The following GRID1 variants were observed in gnomAD, a reference collection of about 807,000 sequenced individuals.
GRID1 encodes the protein glutamate ionotropic receptor delta type subunit 1, also known as glutamate receptor ionotropic, delta-1.
Under a neutral mutation model 98.0 loss-of-function variants are expected in GRID1, and 28 were observed. That is an observed-to-expected ratio of 0.29 (90% CI 0.21 to 0.39). GRID1 has a LOEUF of 0.39. Among genes scored for constraint, GRID1 ranks in the 10% least tolerant of loss-of-function variants. The pLI is 1.00. For missense variants in GRID1, 1,111 were observed against 1,340.5 expected (o/e 0.83, Z 2.67); for synonymous variants, 553 against 538.5 (o/e 1.03, Z -0.37).
intron 5 of GRID1, among the ~76,000 whole-genome samples, chr10:85,898,930 T>C (rs1841337318): frequency 6.6e-6 from 1 of 152,232 alleles, no homozygotes; most frequent in Non-Finnish European, 1.5e-5. Flanking sequence ...TGCACCTAAT[T>C]GTATGTACTC....
rs940217113 is a variant in GRID1, at chr10:85,634,136, T to A, written c.2193+13066A>T. ...CGGTGAGCCAAGATTGCACATTGCATGGTAGCCTGGGCAACAAGAGCGAAA... is the reference window on the plus strand; with the variant it reads ...CGGTGAGCCAAGATTGCACATTGCAAGGTAGCCTGGGCAACAAGAGCGAAA... On this transcript the variant is annotated intron_variant, in intron 13 of 15. Transcript: ENST00000327946. Among the ~76,000 whole-genome samples the A allele has an allele frequency of 8.1e-5, 12 of 147,778 alleles. No homozygotes were observed. The Admixed American group carries it at 8.2e-4, about 10-fold the overall frequency.
rs548580601 is a variant in GRID1, at chr10:86,163,654, T to C, written c.521-24630A>G. Among the ~76,000 whole-genome samples, 9 of 152,278 alleles carry C rather than the reference T, an allele frequency of 5.9e-5. No homozygotes were observed. In the East Asian group the frequency reaches 1.4e-3, roughly 23 times the overall value. On this transcript the variant is annotated intron_variant, in intron 3 of 15. Transcript: ENST00000327946. ...GAGAAGCGGTCAGAGGCTGAGACTTTGAGCCTTGCCCCTGCAGTTGGCCTC... is the reference window on the plus strand; with the variant it reads ...GAGAAGCGGTCAGAGGCTGAGACTTCGAGCCTTGCCCCTGCAGTTGGCCTC...
At chr10:86,010,223 C>T (rs1842908726) in intron 4 of GRID1, among the ~76,000 whole-genome samples, 1 of 152,200 alleles carries the variant, frequency 6.6e-6, no homozygotes, top group South Asian at 2.1e-4. Flanking sequence ...GCAAACATTA[C>T]AATGGCTATC....
intron 12 of GRID1, among the ~76,000 whole-genome samples, chr10:85,713,805 T>C (rs1171221691): frequency 6.6e-6 from 1 of 151,862 alleles, no homozygotes; most frequent in Non-Finnish European, 1.5e-5. Flanking sequence ...TTTAACATCT[T>C]TCATGATAAA....
At chr10:86,276,907 A>G (rs896247247) in intron 2 of GRID1, among the ~76,000 whole-genome samples, 2 of 152,348 alleles carry the variant, frequency 1.3e-5, no homozygotes, top group African/African-American at 2.4e-5. Context: ...AAATCCAGCA[A>G]TACTGTCCTT....
chr10:85,996,053 A>G (rs754571285), intron 4 of GRID1, among the ~76,000 whole-genome samples: 6 of 152,248 alleles, frequency 3.9e-5, no homozygotes, highest in Non-Finnish European at 8.8e-5. Context: ...GACATTGGTA[A>G]CAGCCCACAG....
At chr10:85,984,608 A>G (rs1322075417) in intron 4 of GRID1, among the ~76,000 whole-genome samples, 1 of 152,206 alleles carries the variant, frequency 6.6e-6, no homozygotes, top group Non-Finnish European at 1.5e-5. Flanking sequence ...GGTCCTGGCC[A>G]AATCCCAGCA....
chr10:85,833,929 GACAA>G (rs1419708806), intron 8 of GRID1, among the ~76,000 whole-genome samples: 3 of 152,184 alleles, frequency 2.0e-5, no homozygotes, highest in Non-Finnish European at 4.4e-5. Flanking sequence ...TACCCAATGT[GACAA>G]ACAGAGAGAA....
At chr10:86,035,285 T>G (rs1843244949) in intron 4 of GRID1, among the ~76,000 whole-genome samples, 1 of 152,230 alleles carries the variant, frequency 6.6e-6, no homozygotes, top group African/African-American at 2.4e-5. Context: ...TTCTTATTCG[T>G]AGAGCTTTCT....
chr10:86,090,603 G>C (rs1437428443), intron 4 of GRID1, among the ~76,000 whole-genome samples: 1 of 152,114 alleles, frequency 6.6e-6, no homozygotes, highest in African/African-American at 2.4e-5. Flanking sequence ...GGCTGAAAAA[G>C]TACTTGAAGA....
chr10:85,882,404 A>G lies in GRID1; in HGVS notation c.781-13224T>C, dbSNP rs544970255. On this transcript the variant is annotated intron_variant, in intron 5 of 15. Coordinates refer to ENST00000327946, the MANE Select transcript of GRID1 (RefSeq NM_017551.3). ...TCCAACAATGATAGACTGGATTAAGAAAATGTGGCACATATACACCATGGA... is the reference window on the plus strand; with the variant it reads ...TCCAACAATGATAGACTGGATTAAGGAAATGTGGCACATATACACCATGGA... Among the ~76,000 whole-genome samples, 765 of 152,346 alleles carry G rather than the reference A, an allele frequency of 5.0e-3. 2 individuals are homozygous for G. Among genetic ancestry groups the G allele is most frequent in the Non-Finnish European group, 7.9e-3 (536 of 68,032 alleles).
At chr10:85,787,139 T>C (rs1013577296) in intron 8 of GRID1, among the ~76,000 whole-genome samples, 1 of 152,198 alleles carries the variant, frequency 6.6e-6, no homozygotes, top group African/African-American at 2.4e-5. Context: ...TTGTTCCCAT[T>C]GGTAGCTGAA....
chr10:85,804,610 T>C (rs913456719), intron 8 of GRID1, among the ~76,000 whole-genome samples: 1 of 151,812 alleles, frequency 6.6e-6, no homozygotes, highest in Non-Finnish European at 1.5e-5. Context: ...CACTTATATA[T>C]AAAAAAGATA....
intron 2 of GRID1, among the ~76,000 whole-genome samples, chr10:86,225,940 T>C (rs142932460): frequency 6.6e-6 from 1 of 151,990 alleles, no homozygotes; most frequent in East Asian, 1.9e-4. Context: ...ATTCGTGGGG[T>C]CTTTTCTACA....
chr10:85,934,305 C>T (rs1332340524), intron 4 of GRID1, among the ~76,000 whole-genome samples: 1 of 152,052 alleles, frequency 6.6e-6, no homozygotes, highest in Non-Finnish European at 1.5e-5. Context: ...CAAAACATCT[C>T]CTTGCCCTCA....
chr10:86,231,187 G>A lies in GRID1; in HGVS notation c.236-24539C>T, dbSNP rs1048500360. Reference sequence around the variant, plus strand: ...CAGGAGACATGCATGTCAGAAAATTGTCCACAATCAATTTCAAATTCCAAG... The same window carrying A: ...CAGGAGACATGCATGTCAGAAAATTATCCACAATCAATTTCAAATTCCAAG... On this transcript the variant is annotated intron_variant, in intron 2 of 15. Coordinates refer to ENST00000327946, the MANE Select transcript of GRID1 (RefSeq NM_017551.3). Among the ~76,000 whole-genome samples, 7 of 152,284 alleles carry A rather than the reference G, an allele frequency of 4.6e-5. No homozygotes were observed. The East Asian group carries it at 1.3e-3, about 29-fold the overall frequency.
At chr10:85,662,017 C>T (rs1840970429) in intron 12 of GRID1, among the ~76,000 whole-genome samples, 1 of 152,314 alleles carries the variant, frequency 6.6e-6, no homozygotes, top group African/African-American at 2.4e-5. Flanking sequence ...TTTCCTTCTG[C>T]CATGTTCACA....
chr10:86,087,375 T>C (rs1357041634), intron 4 of GRID1, among the ~76,000 whole-genome samples: 1 of 150,378 alleles, frequency 6.6e-6, no homozygotes, highest in Non-Finnish European at 1.5e-5. Flanking sequence ...GTGTTGTGAG[T>C]GTCTGCATAA....
intron 13 of GRID1, among the ~76,000 whole-genome samples, chr10:85,639,321 T>C (rs1843086892): frequency 6.6e-6 from 1 of 152,180 alleles, no homozygotes; most frequent in Admixed American, 6.5e-5. Context: ...GAAACACAAA[T>C]ACATATATTC....
Sources: gnomAD v4.1 joint callset for allele counts (sites outside exome capture counted in the v4.1 genomes callset) on GRCh38, gnomAD v4.1.1 for gene constraint, MANE v1.5 for transcripts, NCBI Gene and HGNC (gene_info 2026-07-23, HGNC 2026-07-21) for gene names.